The following MALRD1 variants were observed in gnomAD, a reference collection of about 807,000 sequenced individuals.
The protein encoded by MALRD1 is MAM and LDL-receptor class A domain-containing protein 1.
Under a neutral mutation model 242.1 loss-of-function variants are expected in MALRD1, and 247 were observed. The ratio of observed to expected loss-of-function variants is 1.02; its 90% CI spans 0.92 to 1.13. MALRD1 has a LOEUF of 1.13. MALRD1 is among the 50% of genes most tolerant of loss of function. The probability of loss-of-function intolerance (pLI) is 0.00; values close to 1 mark genes in which losing one functional copy is unlikely to be tolerated. For synonymous variants in MALRD1, 995 were observed against 866.6 expected (o/e 1.15, Z -2.60); for missense variants, 2,989 against 2,533.1 (o/e 1.18, Z -3.86).
intron 18 of MALRD1, among the ~76,000 whole-genome samples, chr10:19,225,740 G>T (rs1169100187): frequency 6.6e-6 from 1 of 152,230 alleles, no homozygotes; most frequent in African/African-American, 2.4e-5. Context: ...AAAGAAGCTA[G>T]GCAGCAGCCA....
chr10:19,066,201 G>GA (rs1179008981), intron 1 of MALRD1, among the ~76,000 whole-genome samples: 1 of 152,030 alleles, frequency 6.6e-6, no homozygotes, highest in East Asian at 1.9e-4. Context: ...GCAATAACAA[G>GA]AAAAAATCTT....
intron 32 of MALRD1, among the ~76,000 whole-genome samples, chr10:19,563,197 A>G (rs2131446852): frequency 6.6e-6 from 1 of 152,304 alleles, no homozygotes; most frequent in South Asian, 2.1e-4. Context: ...ACAATCATAC[A>G]TCACTTAGGA....
chr10:19,516,572 A>G (rs1833635569), intron 31 of MALRD1, among the ~76,000 whole-genome samples: 1 of 152,070 alleles, frequency 6.6e-6, no homozygotes, highest in Non-Finnish European at 1.5e-5. Context: ...TTTGTGGGGA[A>G]ACTTTTAAGA....
At position 19,220,947 on chromosome 10, in the gene MALRD1, A is replaced by G. The variant is rs187912432; in HGVS notation, c.2991+11267A>G. Among the ~76,000 whole-genome samples the G allele has an allele frequency of 6.0e-4, 91 of 152,276 alleles. 1 individual carries two copies. In the East Asian group the frequency reaches 0.011, roughly 18 times the overall value. ...ATTTATATATGATGTAGGCCTGAGG[A>G]AAGGACATGGACTTTCAAATAAAAT... On this transcript the variant is annotated intron_variant, in intron 18 of 39. Coordinates refer to ENST00000454679, the MANE Select transcript of MALRD1 (RefSeq NM_001142308.3).
At chr10:19,314,205 A>G (rs1045804367) in intron 21 of MALRD1, among the ~76,000 whole-genome samples, 4 of 151,596 alleles carry the variant, frequency 2.6e-5, no homozygotes, top group African/African-American at 9.7e-5. Context: ...CTTACTGGGC[A>G]TCCAGCTATG....
At chr10:19,639,139 T>G (rs566889943) in intron 36 of MALRD1, among the ~76,000 whole-genome samples, 1 of 152,290 alleles carries the variant, frequency 6.6e-6, no homozygotes, top group Admixed American at 6.5e-5. Context: ...AGCAATATTT[T>G]TCTCCTTCAA....
rs527263943 is a variant in MALRD1 at position 19,283,109 on chromosome 10, G to T, written c.3347G>T (p.Arg1116Met). ...TTGCTTCAAGATTCAAACACATTCAGGTGGGGGCTTGGGAACGGGATCAGC... is the reference window on the plus strand; with the variant it reads ...TTGCTTCAAGATTCAAACACATTCATGTGGGGGCTTGGGAACGGGATCAGC... ...VHLLQDSNTF[R>M]WGLGNGISIH... Residue 1116 changes from arginine (R) to methionine (M), a missense_variant, in exon 21 of 40, where the codon AGG becomes ATG. By Grantham distance (91) the Arg-to-Met change is moderately conservative. Coordinates refer to ENST00000454679, the MANE Select transcript of MALRD1 (RefSeq NM_001142308.3). 6.5e-7 allele frequency: 1 copy of T among 1,549,530 alleles called. No homozygotes were observed. The highest frequency in any genetic ancestry group is 2.0e-5 in the Admixed American group (1 of 50,922).
At chr10:19,590,771 A>G (rs1359311673) in intron 33 of MALRD1, among the ~76,000 whole-genome samples, 5 of 152,116 alleles carry the variant, frequency 3.3e-5, no homozygotes, top group African/African-American at 4.8e-5. Flanking sequence ...TTCACAGCAG[A>G]ATTGAGAAGA....
intron 29 of MALRD1, among the ~76,000 whole-genome samples, chr10:19,461,217 A>C (rs1589115985): frequency 6.6e-6 from 1 of 152,130 alleles, no homozygotes; most frequent in Non-Finnish European, 1.5e-5. Flanking sequence ...TATGGAATGG[A>C]TTCTTGAAGG....
chr10:19,482,680 CACACACACACAT>C (rs1837050138), intron 29 of MALRD1, among the ~76,000 whole-genome samples: 1 of 151,228 alleles, frequency 6.6e-6, no homozygotes, highest in African/African-American at 2.4e-5. Context: ...CACACACACA[CACACACACACAT>C]ACACACAAAG....
chr10:19,095,637 G>T (rs988541979), intron 4 of MALRD1, among the ~76,000 whole-genome samples: 3 of 152,184 alleles, frequency 2.0e-5, no homozygotes, highest in African/African-American at 7.2e-5. Flanking sequence ...GTATGGGGAG[G>T]GGATACTATG....
At chr10:19,492,496 A>G (rs1448624183) in intron 30 of MALRD1, among the ~76,000 whole-genome samples, 2 of 152,124 alleles carry the variant, frequency 1.3e-5, no homozygotes, top group Non-Finnish European at 2.9e-5. Context: ...CACATCCAAG[A>G]TGACTTCTTC....
At chr10:19,351,223 T>C (rs2130994790) in intron 25 of MALRD1, among the ~76,000 whole-genome samples, 1 of 152,312 alleles carries the variant, frequency 6.6e-6, no homozygotes, top group African/African-American at 2.4e-5. Flanking sequence ...TTCACACAAA[T>C]GACAAGACAA....
chr10:19,529,696 C>G (rs757566562), intron 31 of MALRD1, among the ~76,000 whole-genome samples: 25 of 151,930 alleles, frequency 1.6e-4, no homozygotes, highest in Non-Finnish European at 3.2e-4. Context: ...TAGATGCAAA[C>G]ACAAGACCCA....
chr10:19,365,684 A>G lies in MALRD1; in HGVS notation c.4441+13387A>G, dbSNP rs866479930. ...TAAAAAAAAAAAAAAAAAAAAAAAA[A>G]AAAACAAGCTACTATGTTTTTTGAA... On this transcript the variant is annotated intron_variant, in intron 26 of 39. Transcript: ENST00000454679. 4.0e-3 allele frequency among the ~76,000 whole-genome samples: 393 copies of G among 99,192 alleles called. 3 individuals are homozygous for G. The highest frequency in any genetic ancestry group is 0.014 in the African/African-American group (366 of 26,104). The allele number at this position is 99,192 out of a possible 152,430, so 65.1% of individuals were successfully genotyped here. A position where few individuals can be genotyped will look rare whatever the true frequency, so the allele number is the denominator to read the frequency against.
chr10:19,627,654 G>A (rs996032403), intron 36 of MALRD1, among the ~76,000 whole-genome samples: 4 of 151,488 alleles, frequency 2.6e-5, no homozygotes, highest in South Asian at 2.1e-4. Flanking sequence ...CCAGCTACAC[G>A]GGAAGCTGGA....
Position 19,204,895 on chromosome 10 carries a change from TA to T in MALRD1, c.2211-2del, listed in dbSNP as rs780423784. The T allele has an allele frequency of 6.5e-7, 1 of 1,534,674 alleles. No homozygotes were observed. Among genetic ancestry groups the T allele is most frequent in the South Asian group, 1.2e-5 (1 of 82,540 alleles). On this transcript the variant is annotated splice_acceptor_variant, in intron 16 of 39. Transcript: ENST00000454679. LOFTEE classifies it high-confidence loss of function. Reference sequence around the variant, plus strand: ...TCCATTTCTTACGTTTACTCTTTTTTAGGTTCTATAACTATGGCCTGTCAGT... The same window carrying T: ...TCCATTTCTTACGTTTACTCTTTTTTGGTTCTATAACTATGGCCTGTCAGT...
At position 19,209,364 on chromosome 10, in the gene MALRD1, C is replaced by T. The variant is rs1188049148; in HGVS notation, c.2675C>T (p.Pro892Leu). The stretch of plus-strand genomic sequence containing the variant: ...TGGACCAGGAGCCAGGGTCCAACTC[C>T]AACACTTAACACAGGGCCAATGAAA... ...FDWTRSQGPT[P>L]TLNTGPMKDN... The change falls in exon 18 of 40, where the codon CCA becomes CTA. Residue 892 changes from proline (P) to leucine (L), a missense_variant. Physicochemically the swap from Pro to Leu is moderately conservative, Grantham distance 98 (BLOSUM62 -3). Transcript: ENST00000454679. 1.3e-6 allele frequency: 2 copies of T among 1,550,884 alleles called. No individual in the cohort carries two copies. The highest frequency in any genetic ancestry group is 2.4e-5 in the South Asian group (2 of 84,058).
chr10:19,635,988 C>T (rs577262815), intron 36 of MALRD1, among the ~76,000 whole-genome samples: 5 of 152,184 alleles, frequency 3.3e-5, no homozygotes, highest in East Asian at 3.9e-4. Context: ...GCAACCTCCT[C>T]TTCCTGGGTT....
Sources: allele counts gnomAD v4.1 joint callset (sites outside exome capture counted in the v4.1 genomes callset), GRCh38; gene constraint gnomAD v4.1.1; transcripts MANE v1.5; gene names NCBI Gene and HGNC (gene_info 2026-07-23, HGNC 2026-07-21).